GRIN2B: variants seen among roughly 807,000 people sequenced by gnomAD.
GRIN2B encodes glutamate ionotropic receptor NMDA type subunit 2B.
GRIN2B carries 5 observed loss-of-function variants against 114.5 expected under a neutral mutation model. The observed-to-expected ratio is 0.04, with a 90% CI of 0.02 to 0.09. GRIN2B has a LOEUF of 0.09. Among genes scored for constraint, GRIN2B ranks in the 10% least tolerant of loss-of-function variants. The pLI is 1.00. For missense variants in GRIN2B, 1,108 were observed against 1,943.5 expected (o/e 0.57, Z 8.08); for synonymous variants, 787 against 745.1 (o/e 1.06, Z -0.92).
chr12:13,789,986 C>T (rs1031161070), intron 3 of GRIN2B, among the ~76,000 whole-genome samples: 1 of 152,184 alleles, frequency 6.6e-6, no homozygotes, highest in Non-Finnish European at 1.5e-5. Flanking sequence ...GAGTTGAAAG[C>T]ATCCTTACTC....
intron 3 of GRIN2B, among the ~76,000 whole-genome samples, chr12:13,791,074 C>A (rs926898490): frequency 6.6e-6 from 1 of 152,112 alleles, no homozygotes; most frequent in Non-Finnish European, 1.5e-5. Context: ...TCACCTAATT[C>A]AGCATAGGTC....
At chr12:13,863,459 C>A (rs1865779476) in intron 3 of GRIN2B, among the ~76,000 whole-genome samples, 1 of 152,144 alleles carries the variant, frequency 6.6e-6, no homozygotes, top group Non-Finnish European at 1.5e-5. Flanking sequence ...AGCTAGCAAC[C>A]AATGTTAAAA....
intron 5 of GRIN2B, among the ~76,000 whole-genome samples, chr12:13,662,367 G>A (rs771511516): frequency 2.0e-5 from 3 of 152,130 alleles, no homozygotes; most frequent in Admixed American, 6.6e-5. Flanking sequence ...TACATAAGTT[G>A]CTAGTGAAAT....
chr12:13,547,981 A>ATATTTTTTTTTTTTTTTTT lies in GRIN2B; in HGVS notation c.*14801_*14802insAAAAAAAAAAAAAAAAATA. 3 of 68,596 alleles carry ATATTTTTTTTTTTTTTTTT rather than the reference A, an allele frequency of 4.4e-5. No homozygotes were observed. Among genetic ancestry groups the ATATTTTTTTTTTTTTTTTT allele is most frequent in the African/African-American group, 9.2e-5 (2 of 21,784 alleles). 4.2% of individuals were successfully genotyped at this position (68,596 alleles called of 1,614,324 possible). A position where few individuals can be genotyped will look rare whatever the true frequency, so the allele number is the denominator to read the frequency against. ...TGTGTATATATATATATATATATAT[A>ATATTTTTTTTTTTTTTTTT]TTTTTTTTTTTTTTCTGAAAGCTAC... On this transcript the variant is annotated 3_prime_UTR_variant, in exon 14 of 14. Transcript: ENST00000609686.
intron 3 of GRIN2B, among the ~76,000 whole-genome samples, chr12:13,858,075 C>T (rs1865694188): frequency 6.6e-6 from 1 of 152,082 alleles, no homozygotes; most frequent in South Asian, 2.1e-4. Flanking sequence ...CAAATCACTA[C>T]CTAAAGGTAT....
At chr12:13,920,420 A>G (rs1473671012) in intron 2 of GRIN2B, among the ~76,000 whole-genome samples, 1 of 152,172 alleles carries the variant, frequency 6.6e-6, no homozygotes, top group Non-Finnish European at 1.5e-5. Context: ...AGTAGGGAAA[A>G]GATGGGATAA....
intron 2 of GRIN2B, among the ~76,000 whole-genome samples, chr12:13,885,171 T>C (rs1331355963): frequency 2.6e-5 from 4 of 152,162 alleles, no homozygotes; most frequent in Non-Finnish European, 5.9e-5. Context: ...TACACCAAAA[T>C]TTGGGAGAAG....
intron 4 of GRIN2B, among the ~76,000 whole-genome samples, chr12:13,741,061 C>T (rs1010691213): frequency 2.0e-5 from 3 of 152,072 alleles, no homozygotes; most frequent in Non-Finnish European, 4.4e-5. Context: ...TATTTTATTG[C>T]GATGGAGTCT....
At chr12:13,949,006 T>C (rs1867422711) in intron 2 of GRIN2B, among the ~76,000 whole-genome samples, 1 of 152,194 alleles carries the variant, frequency 6.6e-6, no homozygotes, top group South Asian at 2.1e-4. Context: ...CCAGAGGTTC[T>C]ACTACTTTCC....
At chr12:13,748,916 C>T (rs111806494) in intron 4 of GRIN2B, among the ~76,000 whole-genome samples, 3 of 152,098 alleles carry the variant, frequency 2.0e-5, no homozygotes, top group Admixed American at 6.5e-5. Context: ...CTTGTGCTAA[C>T]GAAATTATTC....
chr12:13,626,247 A>T (rs1591648478), intron 5 of GRIN2B, among the ~76,000 whole-genome samples: 1 of 152,090 alleles, frequency 6.6e-6, no homozygotes, highest in East Asian at 1.9e-4. Context: ...ACTCCCTCTA[A>T]ATCAACTTCT....
chr12:13,682,058 G>T (rs1001493621), intron 4 of GRIN2B, among the ~76,000 whole-genome samples: 4 of 152,070 alleles, frequency 2.6e-5, no homozygotes, highest in South Asian at 4.1e-4. Context: ...AAGAGGCAAA[G>T]ATATTTAAAA....
intron 4 of GRIN2B, among the ~76,000 whole-genome samples, chr12:13,713,869 G>T (rs192396662): frequency 6.6e-6 from 1 of 151,950 alleles, no homozygotes; most frequent in Admixed American, 6.6e-5. Context: ...GAACAATGCA[G>T]AGTGTTTAAG....
At chr12:13,713,610 T>C (rs899313578) in intron 4 of GRIN2B, among the ~76,000 whole-genome samples, 2 of 151,896 alleles carry the variant, frequency 1.3e-5, no homozygotes, top group African/African-American at 2.4e-5. Flanking sequence ...CATGAACCAA[T>C]ACGTCATTCC....
At position 13,754,278 on chromosome 12, in the gene GRIN2B, C is replaced by T. The variant is rs549592761; in HGVS notation, c.412-363G>A. On this transcript the variant is annotated intron_variant, in intron 3 of 13. Coordinates refer to ENST00000609686, the MANE Select transcript of GRIN2B (RefSeq NM_000834.5). ...CATAGTGTAGAATAAAGGCTCTAAA[C>T]GGCCTCATGTCAGTTCAGGTCAGGT... 6.4e-4 allele frequency among the ~76,000 whole-genome samples: 97 copies of T among 152,260 alleles called. No individual in the cohort carries two copies. In the South Asian group the frequency reaches 0.011, roughly 18 times the overall value.
chr12:13,611,309 A>G (rs1417380757), intron 9 of GRIN2B, among the ~76,000 whole-genome samples: 1 of 152,150 alleles, frequency 6.6e-6, no homozygotes, highest in Non-Finnish European at 1.5e-5. Flanking sequence ...ACCAGCCACA[A>G]CCACCTGCAT....
intron 2 of GRIN2B, among the ~76,000 whole-genome samples, chr12:13,964,209 G>A (rs572784315): frequency 3.3e-5 from 5 of 152,196 alleles, no homozygotes; most frequent in South Asian, 2.1e-4. Flanking sequence ...GGGCGGTCAC[G>A]TTGGCTCACC....
intron 3 of GRIN2B, among the ~76,000 whole-genome samples, chr12:13,765,445 C>T (rs1490066747): frequency 6.6e-6 from 1 of 152,182 alleles, no homozygotes; most frequent in Non-Finnish European, 1.5e-5. Flanking sequence ...GCAGATTAAG[C>T]TCTTTGGGTC....
chr12:13,567,051 G>C lies in GRIN2B; in HGVS notation c.2572C>G (p.Pro858Ala). The C allele has an allele frequency of 6.2e-7, 1 of 1,613,504 alleles. No homozygotes were observed. Among genetic ancestry groups the C allele is most frequent in the Non-Finnish European group, 8.5e-7 (1 of 1,179,408 alleles). Reference protein sequence around the residue: ...HCFMGVCSGKPGMVFSISRGI... With the variant: ...HCFMGVCSGKAGMVFSISRGI... ...CTGCTGATGGAGAAGACCATGCCAGGCTTGCCAGAACAGACACCCATAAAG... is the reference window on the plus strand; with the variant it reads ...CTGCTGATGGAGAAGACCATGCCAGCCTTGCCAGAACAGACACCCATAAAG... The change falls in exon 13 of 14, where the codon CCT becomes GCT. Residue 858 changes from proline (P) to alanine (A), a missense_variant. Transcript: ENST00000609686.
Sources: allele counts gnomAD v4.1 joint callset (sites outside exome capture counted in the v4.1 genomes callset), GRCh38; gene constraint gnomAD v4.1.1; transcripts MANE v1.5; gene names NCBI Gene and HGNC (gene_info 2026-07-23, HGNC 2026-07-21).